The following LRGUK variants were observed in gnomAD, a reference collection of about 807,000 sequenced individuals.
The protein encoded by LRGUK is leucine-rich repeat and guanylate kinase domain-containing protein.
Under a neutral mutation model 76.0 loss-of-function variants are expected in LRGUK, and 65 were observed. The observed-to-expected ratio is 0.85, with a 90% CI of 0.70 to 1.05. LRGUK has a LOEUF of 1.05. LRGUK is among the 50% of genes least tolerant of loss of function. The probability of loss-of-function intolerance (pLI) is 0.00; values close to 1 mark genes in which losing one functional copy is unlikely to be tolerated. For missense variants in LRGUK, 758 were observed against 732.8 expected (o/e 1.03, Z -0.40); for synonymous variants, 268 against 265.6 (o/e 1.01, Z -0.09).
chr7:134,267,437 G>C (rs555964318), downstream of LRGUK, among the ~76,000 whole-genome samples: 54 of 152,266 alleles, frequency 3.5e-4, no homozygotes, highest in African/African-American at 1.2e-3. Flanking sequence ...GATATGGTTT[G>C]GCTGTGTCCC....
chr7:134,195,873 G>A (rs1800460034), intron 12 of LRGUK, among the ~76,000 whole-genome samples: 1 of 151,956 alleles, frequency 6.6e-6, no homozygotes, highest in Non-Finnish European at 1.5e-5. Flanking sequence ...TGATTATGGG[G>A]GATGTGGATC....
intron 19 of LRGUK, among the ~76,000 whole-genome samples, chr7:134,258,903 T>G (rs1802651891): frequency 6.6e-6 from 1 of 152,090 alleles, no homozygotes; most frequent in Non-Finnish European, 1.5e-5. Flanking sequence ...TTGAGAAAGG[T>G]GGGGAATCCA....
intron 18 of LRGUK, 146 bp downstream of exon 18, chr7:134,249,222 C>T: frequency 1.1e-6 from 1 of 895,900 alleles, no homozygotes; most frequent in South Asian, 3.0e-5. Context: ...GGAGTAGACC[C>T]TGCCCCTCTA....
intron 15 of LRGUK, among the ~76,000 whole-genome samples, chr7:134,216,708 T>G (rs957021417): frequency 1.3e-5 from 2 of 152,182 alleles, no homozygotes; most frequent in Non-Finnish European, 2.9e-5. Flanking sequence ...AGATATTTTC[T>G]TTTCTTTTTG....
rs887385736 is a variant in LRGUK at position 134,225,451 on chromosome 7, G to A, written c.1983+3533G>A. ...GGAGCATGTGTTGTGTCCAGTGTCA[G>A]CACTGTGGCATTTACTGATCCCTGA... On this transcript the variant is annotated intron_variant, in intron 16 of 19. Transcript: ENST00000285928. Among the ~76,000 whole-genome samples, 7 of 152,312 alleles carry A rather than the reference G, an allele frequency of 4.6e-5. 1 individual carries two copies. In the South Asian group the frequency reaches 8.3e-4, roughly 18 times the overall value.
intron 11 of LRGUK, among the ~76,000 whole-genome samples, chr7:134,185,258 G>A (rs754855704): frequency 1.2e-4 from 19 of 152,130 alleles, no homozygotes; most frequent in Non-Finnish European, 2.8e-4. Context: ...AACTCCAACT[G>A]AGTTTAAAGA....
intron 5 of LRGUK, among the ~76,000 whole-genome samples, chr7:134,152,531 A>T (rs905300201): frequency 6.6e-6 from 1 of 152,070 alleles, no homozygotes; most frequent in African/African-American, 2.4e-5. Context: ...TTAAGACCAC[A>T]TGAGATATTG....
At chr7:134,198,371 G>A (rs1306859033) in intron 13 of LRGUK, among the ~76,000 whole-genome samples, 3 of 152,112 alleles carry the variant, frequency 2.0e-5, no homozygotes, top group African/African-American at 7.2e-5. Context: ...CCAGGAGGTT[G>A]AGTCTATAAT....
chr7:134,154,769 G>T (rs1465374404), intron 5 of LRGUK, among the ~76,000 whole-genome samples: 1 of 152,218 alleles, frequency 6.6e-6, no homozygotes, highest in African/African-American at 2.4e-5. Context: ...CCTCCTTTCT[G>T]TCCTTGCAGT....
At chr7:134,173,275 C>T (rs1422920668) in intron 7 of LRGUK, among the ~76,000 whole-genome samples, 2 of 152,152 alleles carry the variant, frequency 1.3e-5, no homozygotes, top group East Asian at 3.8e-4. Flanking sequence ...TTGAAAATGG[C>T]ATCCTTTGAA....
chr7:134,211,012 G>A (rs959669982), downstream of LRGUK, among the ~76,000 whole-genome samples: 20 of 152,348 alleles, frequency 1.3e-4, no homozygotes, highest in African/African-American at 4.8e-4. Flanking sequence ...GGAACCCCGA[G>A]GCAGCACTGT....
the LRGUK span, among the ~76,000 whole-genome samples, chr7:134,275,528 T>G: frequency 6.6e-6 from 1 of 152,202 alleles, no homozygotes; most frequent in African/African-American, 2.4e-5. Context: ...TTTTCTGTTA[T>G]GCTCAGGATA....
rs146640672 is a variant in LRGUK, at chr7:134,166,517, A to T, written c.939+2977A>T. ...TACTTCTCTAAGTCTCAGTGTCGTTATGTCACACTGTTGGTTCCCAATTAC... is the reference window on the plus strand; with the variant it reads ...TACTTCTCTAAGTCTCAGTGTCGTTTTGTCACACTGTTGGTTCCCAATTAC... On this transcript the variant is annotated intron_variant, in intron 7 of 15. Coordinates refer to ENST00000645682, the Ensembl canonical transcript of LRGUK. 1.1e-4 allele frequency among the ~76,000 whole-genome samples: 16 copies of T among 152,244 alleles called. No homozygotes were observed. In the East Asian group the frequency reaches 2.5e-3, roughly 24 times the overall value.
At chr7:134,196,019 C>G (rs2117069723) in intron 12 of LRGUK, among the ~76,000 whole-genome samples, 1 of 152,262 alleles carries the variant, frequency 6.6e-6, no homozygotes, top group East Asian at 1.9e-4. Context: ...TCCAGAACAT[C>G]TGGGGCCAAG....
At chr7:134,136,956 G>T in intron 1 of LRGUK, 67 bp from the exon 2 acceptor site, 1 of 1,297,124 alleles carries the variant, frequency 7.7e-7, no homozygotes, top group South Asian at 1.3e-5. Flanking sequence ...TGCTGGATAT[G>T]ACAAGATAGA....
At chr7:134,234,566 A>G (rs1801973055) in intron 16 of LRGUK, among the ~76,000 whole-genome samples, 1 of 152,164 alleles carries the variant, frequency 6.6e-6, no homozygotes, top group African/African-American at 2.4e-5. Context: ...TCCTAAAATT[A>G]GCATCATATT....
At chr7:134,185,866 T>C (rs934400778) in intron 11 of LRGUK, among the ~76,000 whole-genome samples, 1 of 152,228 alleles carries the variant, frequency 6.6e-6, no homozygotes, top group East Asian at 1.9e-4. Context: ...ACAAACACTA[T>C]GGAAAAATTT....
intron 6 of LRGUK, among the ~76,000 whole-genome samples, chr7:134,162,250 C>T (rs1295697729): frequency 5.9e-5 from 9 of 152,114 alleles, no homozygotes; most frequent in South Asian, 2.1e-4. Flanking sequence ...TGCATTTAGC[C>T]GGCATCTTAG....
intron 16 of LRGUK, among the ~76,000 whole-genome samples, chr7:134,245,995 T>C (rs535690694): frequency 6.6e-6 from 1 of 152,324 alleles, no homozygotes; most frequent in Non-Finnish European, 1.5e-5. Context: ...TCTCCTCATC[T>C]TGTTTACATA....
Sources: allele counts gnomAD v4.1 joint callset (sites outside exome capture counted in the v4.1 genomes callset), GRCh38; gene constraint gnomAD v4.1.1; transcripts MANE v1.5; gene names NCBI Gene and HGNC (gene_info 2026-07-23, HGNC 2026-07-21).